DHX57: variants seen among roughly 807,000 people sequenced by gnomAD.
DHX57 encodes the protein DExH-box helicase 57, also known as putative ATP-dependent RNA helicase DHX57.
In DHX57, 105 loss-of-function variants were observed where a neutral mutation model predicts 156.2. The ratio of observed to expected loss-of-function variants is 0.67; its 90% confidence interval spans 0.57 to 0.79. DHX57 has a LOEUF of 0.79. Ranked by LOEUF, DHX57 falls within the 30% of genes least tolerant of loss-of-function variation. DHX57 has a pLI of 0.00. For missense variants in DHX57, 1,847 were observed against 1,661.9 expected (o/e 1.11, Z -1.94); for synonymous variants, 704 against 595.6 (o/e 1.18, Z -2.65).
At chr2:38,803,125 A>C (rs1669775114) in intron 22 of DHX57, 1 of 467,258 alleles carries the variant, frequency 2.1e-6, no homozygotes, top group Non-Finnish European at 3.8e-6. Context: ...CTTGTGTTTA[A>C]AAAAAAAAAA....
At chr2:38,865,109 T>A (rs1375220251) in intron 2 of DHX57, among the ~76,000 whole-genome samples, 4 of 152,222 alleles carry the variant, frequency 2.6e-5, no homozygotes, top group Admixed American at 1.3e-4. Context: ...TTTTTCATAC[T>A]TTCTCTTAGC....
At position 38,815,621 on chromosome 2, in the gene DHX57, A is replaced by T. The variant is rs767539590; in HGVS notation, c.3506T>A (p.Leu1169Gln). 1.2e-6 allele frequency: 2 copies of T among 1,614,126 alleles called. No individual in the cohort carries two copies. Among genetic ancestry groups the T allele is most frequent in the South Asian group, 2.2e-5 (2 of 91,090 alleles). Residue 1169 changes from leucine to glutamine, a missense_variant, in exon 20 of 24, where the codon CTG becomes CAG. Physicochemically the swap from Leu to Gln is moderately radical, Grantham distance 113. Coordinates refer to ENST00000457308, the MANE Select transcript of DHX57 (RefSeq NM_198963.3). ...MASLKRQFTE[L>Q]LSDIGFAREG... ...CCTTGCAAACCCTATATCCGATAACAGTTCCGTGAATTGTCGTTTGAGGCT... is the reference window on the plus strand; with the variant it reads ...CCTTGCAAACCCTATATCCGATAACTGTTCCGTGAATTGTCGTTTGAGGCT...
chr2:38,809,772 G>C (rs928279736), intron 21 of DHX57, among the ~76,000 whole-genome samples: 2 of 151,678 alleles, frequency 1.3e-5, no homozygotes, highest in Admixed American at 1.3e-4. Flanking sequence ...CTTCTTTGCT[G>C]TTTTAATTTG....
intron 21 of DHX57, among the ~76,000 whole-genome samples, chr2:38,809,094 C>T (rs1558355327): frequency 6.6e-6 from 1 of 152,162 alleles, no homozygotes; most frequent in East Asian, 1.9e-4. Context: ...CCATGTCTGG[C>T]AGTATTATAA....
chr2:38,826,790 A>T, intron 14 of DHX57, 101 bp from the exon 15 acceptor site: 2 of 1,270,592 alleles, frequency 1.6e-6, no homozygotes, highest in East Asian at 5.0e-5. Flanking sequence ...GACTTCAGGT[A>T]TTAGCAACTT....
intron 21 of DHX57, among the ~76,000 whole-genome samples, chr2:38,809,933 G>C (rs1670154605): frequency 6.6e-6 from 1 of 151,300 alleles, no homozygotes; most frequent in South Asian, 2.1e-4. Flanking sequence ...ATGTTCTGTA[G>C]CCCAGGATGG....
At position 38,866,954 on chromosome 2, in the gene DHX57, C is replaced by T. The variant is rs144780078; in HGVS notation, c.224+1228G>A. On this transcript the variant is annotated intron_variant, in intron 2 of 23. Transcript: ENST00000457308. ...ATATCCCTAGGCCTTCACATTCACT[C>T]ACCACTTCCTCACTGACTCACCCAG... Among the ~76,000 whole-genome samples the T allele has an allele frequency of 4.1e-4, 63 of 152,314 alleles. 1 individual carries two copies. The East Asian group carries it at 8.7e-3, about 21-fold the overall frequency.
chr2:38,840,384 A>T (rs1011823699), intron 12 of DHX57, among the ~76,000 whole-genome samples: 2 of 142,982 alleles, frequency 1.4e-5, no homozygotes, highest in African/African-American at 2.6e-5. Context: ...AATTCAAGGC[A>T]TTTTTTTTTT....
Position 38,798,188 on chromosome 2 carries a change from C to A in DHX57, c.*111G>T. ...TGCCTTGGGCTTCATGCCCTGGGCT[C>A]CTCCACCAGGGCCAGCCCCAATAGG... On this transcript the variant is annotated 3_prime_UTR_variant, in exon 24 of 24. Coordinates refer to ENST00000457308, the MANE Select transcript of DHX57 (RefSeq NM_198963.3). 7.0e-7 allele frequency: 1 copy of A among 1,435,152 alleles called. No homozygotes were observed. Among genetic ancestry groups the A allele is most frequent in the Middle Eastern group, 1.9e-4 (1 of 5,366 alleles). 88.9% of individuals were successfully genotyped at this position (1,435,152 alleles called of 1,614,324 possible). A position where few individuals can be genotyped will look rare whatever the true frequency, so the allele number is the denominator to read the frequency against.
intron 23 of DHX57, among the ~76,000 whole-genome samples, chr2:38,798,830 G>A (rs1053262317): frequency 1.2e-4 from 19 of 152,148 alleles, no homozygotes; most frequent in Non-Finnish European, 2.6e-4. Flanking sequence ...TGTAATCCCA[G>A]CTACTCAGAG....
intron 12 of DHX57, among the ~76,000 whole-genome samples, chr2:38,840,687 A>G (rs1671948148): frequency 6.6e-6 from 1 of 152,160 alleles, no homozygotes; most frequent in Non-Finnish European, 1.5e-5. Context: ...CAACTCCTCC[A>G]TTCTCCTTCC....
At chr2:38,814,008 G>C (rs966821338) in intron 20 of DHX57, 113 bp from the exon 21 acceptor site, 1 of 1,166,012 alleles carries the variant, frequency 8.6e-7, no homozygotes, top group Non-Finnish European at 1.2e-6. Flanking sequence ...CGCCATCTCA[G>C]CTTACTGCAA....
chr2:38,849,896 C>T (rs79562221), intron 9 of DHX57, among the ~76,000 whole-genome samples: 8 of 152,240 alleles, frequency 5.3e-5, no homozygotes, highest in African/African-American at 1.9e-4. Flanking sequence ...TTCAAATGCC[C>T]TCCTCCCTTG....
At chr2:38,798,926 T>C (rs186188421) in intron 23 of DHX57, among the ~76,000 whole-genome samples, 69 of 149,462 alleles carry the variant, frequency 4.6e-4, no homozygotes, top group African/African-American at 1.6e-3. Flanking sequence ...CTGGGTGACA[T>C]AGCGAGACTC....
intron 12 of DHX57, among the ~76,000 whole-genome samples, chr2:38,839,675 C>T (rs1340206070): frequency 3.3e-5 from 5 of 150,620 alleles, no homozygotes; most frequent in African/African-American, 9.8e-5. Flanking sequence ...AAGCTGAGAT[C>T]GCGCTACTGC....
chr2:38,799,375 G>GA (rs569876300), intron 23 of DHX57, among the ~76,000 whole-genome samples: 5 of 51,336 alleles, frequency 9.7e-5, no homozygotes, highest in South Asian at 6.6e-4. Context: ...TCAAAAAAAA[G>GA]AAAAAAAAAG....
chr2:38,827,132 G>A (rs1327719546), intron 14 of DHX57, among the ~76,000 whole-genome samples: 3 of 83,010 alleles, frequency 3.6e-5, no homozygotes, highest in Non-Finnish European at 5.7e-5. Context: ...ACTCCGTCTC[G>A]AAAAATAAAA....
chr2:38,800,185 C>CAA (rs55726914), intron 23 of DHX57, among the ~76,000 whole-genome samples: 4 of 93,506 alleles, frequency 4.3e-5, no homozygotes, highest in Non-Finnish European at 4.3e-5. Flanking sequence ...AACTCCATCT[C>CAA]AAAAAAAAAA....
At chr2:38,824,704 A>T (rs764711457) in intron 16 of DHX57, among the ~76,000 whole-genome samples, 1 of 151,874 alleles carries the variant, frequency 6.6e-6, no homozygotes, top group Non-Finnish European at 1.5e-5. Context: ...CTGGAGTGCA[A>T]TGGTATGATC....
Sources: allele counts gnomAD v4.1 joint callset (sites outside exome capture counted in the v4.1 genomes callset), GRCh38; gene constraint gnomAD v4.1.1; transcripts MANE v1.5; gene names NCBI Gene and HGNC (gene_info 2026-07-23, HGNC 2026-07-21).